Variants in PLD1 observed in about 807,000 individuals in gnomAD.
The protein encoded by PLD1 is phospholipase D1.
In PLD1, 112 loss-of-function variants were observed where a neutral mutation model predicts 137.1. The ratio of observed to expected loss-of-function variants is 0.82; its 90% CI spans 0.70 to 0.96. The LOEUF (loss-of-function observed/expected upper bound fraction) is 0.96, where lower values mean the gene tolerates loss of function less well. Among genes scored for constraint, PLD1 ranks in the 40% least tolerant of loss-of-function variants. The probability of loss-of-function intolerance (pLI) is 0.00; values close to 1 mark genes in which losing one functional copy is unlikely to be tolerated. For missense variants in PLD1, 1,321 were observed against 1,342.0 expected (o/e 0.98, Z 0.24); for synonymous variants, 431 against 454.7 (o/e 0.95, Z 0.66).
chr3:171,665,507 C>G (rs1184997308), intron 19 of PLD1, among the ~76,000 whole-genome samples: 1 of 152,170 alleles, frequency 6.6e-6, no homozygotes, highest in Non-Finnish European at 1.5e-5. Context: ...CAAGACCAGC[C>G]TGGCCAACAT....
chr3:171,801,782 T>C (rs1015613444), intron 1 of PLD1, among the ~76,000 whole-genome samples: 2 of 152,154 alleles, frequency 1.3e-5, no homozygotes, highest in African/African-American at 4.8e-5. Context: ...CCCATGACAC[T>C]ACCAAAAACC....
At chr3:171,610,170 G>A (rs1291636989) in intron 25 of PLD1, among the ~76,000 whole-genome samples, 7 of 152,034 alleles carry the variant, frequency 4.6e-5, no homozygotes, top group African/African-American at 1.7e-4. Context: ...GAACAAGAAG[G>A]TATCTACAAA....
At chr3:171,689,027 C>T (rs1248960109) in intron 13 of PLD1, 151 bp from the exon 14 acceptor site, 8 of 610,964 alleles carry the variant, frequency 1.3e-5, no homozygotes, top group Non-Finnish European at 2.3e-5. Context: ...ATTTTATTCT[C>T]AGCATTTAGC....
chr3:171,645,768 C>T (rs577117789), intron 21 of PLD1, among the ~76,000 whole-genome samples: 4 of 151,768 alleles, frequency 2.6e-5, no homozygotes, highest in Non-Finnish European at 5.9e-5. Flanking sequence ...CCTGTAGTCC[C>T]AGCTACTCGG....
At chr3:171,633,622 A>G (rs1734862598) in intron 23 of PLD1, among the ~76,000 whole-genome samples, 1 of 152,176 alleles carries the variant, frequency 6.6e-6, no homozygotes, top group Admixed American at 6.5e-5. Flanking sequence ...GTACCCCAGA[A>G]CTTAAAGTAT....
At chr3:171,644,654 T>C (rs1195966941) in intron 22 of PLD1, among the ~76,000 whole-genome samples, 1 of 152,196 alleles carries the variant, frequency 6.6e-6, no homozygotes, top group East Asian at 1.9e-4. Flanking sequence ...TATATAGAAA[T>C]AGACAGTAAC....
intron 15 of PLD1, 134 bp from the exon 16 acceptor site, chr3:171,686,932 T>C (rs1022166963): frequency 1.5e-5 from 8 of 535,424 alleles, no homozygotes; most frequent in African/African-American, 9.8e-5. Context: ...CAGAAAATTG[T>C]AGGGCTTTAA....
intron 6 of PLD1, among the ~76,000 whole-genome samples, chr3:171,729,807 G>T (rs539960245): frequency 6.6e-6 from 1 of 152,298 alleles, no homozygotes; most frequent in South Asian, 2.1e-4. Context: ...AACACTGTGT[G>T]CACGTTTATT....
rs141049239 is a variant in PLD1, at chr3:171,708,793, C to T, written c.1107G>A (p.Met369Ile). The stretch of plus-strand genomic sequence containing the variant: ...TAAAAATCTCTTCATTTGCCTCTTC[C>T]ATTGCATTTGCCACATCTTCAAAAT... The part of the protein sequence containing the change: ...KGYFEDVANA[M>I]EEANEEIFIT... The change falls in exon 11 of 27, where the codon ATG (methionine) becomes ATA (isoleucine). Residue 369 changes from methionine to isoleucine, a missense_variant. By Grantham distance (10) the Met-to-Ile change is conservative. Coordinates refer to ENST00000351298, the MANE Select transcript of PLD1 (RefSeq NM_002662.5). 2 of 1,603,830 alleles carry T rather than the reference C, an allele frequency of 1.2e-6. No individual in the cohort carries two copies. Among genetic ancestry groups the T allele is most frequent in the East Asian group, 2.2e-5 (1 of 44,826 alleles).
chr3:171,792,758 G>T (rs1398288164), intron 1 of PLD1: 1 of 453,234 alleles, frequency 2.2e-6, no homozygotes, highest in Non-Finnish European at 4.4e-6. Context: ...TCTTTCTAGA[G>T]CCCCACCCTC....
chr3:171,671,270 A>G (rs1335547474), intron 19 of PLD1, among the ~76,000 whole-genome samples: 1 of 152,228 alleles, frequency 6.6e-6, no homozygotes, highest in African/African-American at 2.4e-5. Context: ...TTATATTACC[A>G]AGAACTAGAT....
chr3:171,773,803 C>T (rs1722492807), intron 1 of PLD1, among the ~76,000 whole-genome samples: 1 of 152,088 alleles, frequency 6.6e-6, no homozygotes, highest in Non-Finnish European at 1.5e-5. Flanking sequence ...GGCGGGACTG[C>T]AGTGGCGCTG....
At chr3:171,696,295 G>A (rs187005298) in intron 12 of PLD1, among the ~76,000 whole-genome samples, 90 of 152,318 alleles carry the variant, frequency 5.9e-4, no homozygotes, top group African/African-American at 2.1e-3. Context: ...GCCCTGAGAT[G>A]CTGATTTCTT....
chr3:171,608,788 A>G (rs1012147094), intron 25 of PLD1, among the ~76,000 whole-genome samples: 1 of 152,144 alleles, frequency 6.6e-6, no homozygotes, highest in African/African-American at 2.4e-5. Context: ...AAAAAGTAAA[A>G]CCAAACAAGC....
intron 1 of PLD1, among the ~76,000 whole-genome samples, chr3:171,787,677 G>A (rs1171258886): frequency 6.6e-6 from 1 of 152,124 alleles, no homozygotes; most frequent in African/African-American, 2.4e-5. Flanking sequence ...ATGTGTATGT[G>A]TGTTGGGGGC....
chr3:171,712,100 T>C (rs1025762022), intron 9 of PLD1, among the ~76,000 whole-genome samples: 12 of 152,146 alleles, frequency 7.9e-5, no homozygotes, highest in Non-Finnish European at 2.9e-5. Context: ...GTTCACAGAT[T>C]CTAAAAGAAT....
chr3:171,770,088 G>A (rs966137424), intron 1 of PLD1, among the ~76,000 whole-genome samples: 2 of 152,090 alleles, frequency 1.3e-5, no homozygotes, highest in African/African-American at 2.4e-5. Context: ...TTAAATTAAC[G>A]AGATTAAGGA....
At position 171,725,530 on chromosome 3, in the gene PLD1, A is replaced by G. The variant is rs80298507; in HGVS notation, c.665+488T>C. ...ACTTTTTTTGAAACAACTACTAACA[A>G]TGCTCTTAACTAGAACTTGAAAGTT... On this transcript the variant is annotated intron_variant, in intron 7 of 26. Transcript: ENST00000351298. 5.7e-3 allele frequency among the ~76,000 whole-genome samples: 863 copies of G among 152,324 alleles called. 6 individuals carry two copies. Among genetic ancestry groups the G allele is most frequent in the African/African-American group, 0.02 (829 of 41,556 alleles).
chr3:171,636,218 C>T (rs745777868), intron 23 of PLD1, among the ~76,000 whole-genome samples: 13 of 151,788 alleles, frequency 8.6e-5, no homozygotes, highest in African/African-American at 2.2e-4. Context: ...GTATGTGACA[C>T]CTCCAATTTG....
Sources: allele counts gnomAD v4.1 joint callset (sites outside exome capture counted in the v4.1 genomes callset), GRCh38; gene constraint gnomAD v4.1.1; transcripts MANE v1.5; gene names NCBI Gene and HGNC (gene_info 2026-07-23, HGNC 2026-07-21).